SIK3: variants seen among roughly 807,000 people sequenced by gnomAD.
The protein encoded by SIK3 is serine/threonine-protein kinase SIK3.
In SIK3, 28 loss-of-function variants were observed where a neutral mutation model predicts 144.2. That is an observed-to-expected ratio of 0.19 (90% CI 0.14 to 0.27). SIK3 has a LOEUF of 0.27. SIK3 is among the 10% of genes least tolerant of loss of function. The pLI is 1.00. For missense variants in SIK3, 1,319 were observed against 1,776.0 expected, an observed-to-expected ratio of 0.74 and a Z score of 4.62; for synonymous variants, 686 against 676.3, an observed-to-expected ratio of 1.01 and a Z score of -0.22.
At chr11:116,987,321 T>A (rs1365733823) in intron 1 of SIK3, among the ~76,000 whole-genome samples, 10 of 137,252 alleles carry the variant, frequency 7.3e-5, no homozygotes, top group Non-Finnish European at 1.1e-4. Context: ...CATAAAAGAT[T>A]AAAAAAAAAA....
intron 1 of SIK3, among the ~76,000 whole-genome samples, chr11:117,024,120 C>T (rs1252739247): frequency 1.3e-5 from 2 of 152,142 alleles, no homozygotes; most frequent in African/African-American, 4.8e-5. Flanking sequence ...ACCTCCCCAT[C>T]TCCCTTCCTC....
intron 1 of SIK3, among the ~76,000 whole-genome samples, chr11:116,975,078 A>C (rs141498328): frequency 6.2e-4 from 94 of 152,250 alleles, no homozygotes; most frequent in African/African-American, 1.9e-3. Flanking sequence ...AAAAATTGAC[A>C]AATATTTAGC....
intron 1 of SIK3, among the ~76,000 whole-genome samples, chr11:117,033,432 T>C (rs1004353216): frequency 6.6e-6 from 1 of 152,156 alleles, no homozygotes; most frequent in African/African-American, 2.4e-5. Context: ...CTGGGTGCAG[T>C]GGCTCACACC....
chr11:116,844,072 G>C lies in SIK3; in HGVS notation c.*1571C>G, dbSNP rs750792606. 18 of 152,188 alleles carry C rather than the reference G, an allele frequency of 1.2e-4. No homozygotes were observed. Among genetic ancestry groups the C allele is most frequent in the Non-Finnish European group, 2.2e-4 (15 of 68,046 alleles). 9.4% of individuals were successfully genotyped at this position (152,188 alleles called of 1,614,324 possible). A position where few individuals can be genotyped will look rare whatever the true frequency, so the allele number is the denominator to read the frequency against. On this transcript the variant is annotated 3_prime_UTR_variant, in exon 25 of 25. Transcript: ENST00000445177. The stretch of plus-strand genomic sequence containing the variant: ...GCTCTCCTTTCCCAGAAAAAAAAAG[G>C]GTGGAAGAGTCAGTGTATTCAAGGT...
At chr11:116,863,861 G>A (rs921030034) in intron 15 of SIK3, 43 bp from the exon 16 acceptor site, 1 of 1,529,384 alleles carries the variant, frequency 6.5e-7, no homozygotes, top group African/African-American at 1.4e-5. Context: ...GGACTCAGGG[G>A]CTTTGACCAA....
intron 1 of SIK3, among the ~76,000 whole-genome samples, chr11:116,987,221 T>C (rs1477452716): frequency 6.6e-6 from 1 of 152,024 alleles, no homozygotes; most frequent in Non-Finnish European, 1.5e-5. Context: ...TCTGGAACTC[T>C]ATTCAAATTA....
At chr11:117,059,151 T>C (rs1452232794) in intron 1 of SIK3, among the ~76,000 whole-genome samples, 1 of 152,194 alleles carries the variant, frequency 6.6e-6, no homozygotes, top group Non-Finnish European at 1.5e-5. Flanking sequence ...AAGTGGACGT[T>C]TGGCCACAGA....
At chr11:117,065,996 T>A (rs1953993326) in intron 1 of SIK3, among the ~76,000 whole-genome samples, 1 of 152,036 alleles carries the variant, frequency 6.6e-6, no homozygotes, top group Non-Finnish European at 1.5e-5. Context: ...TTTACTCCTA[T>A]CAATCTAAAA....
chr11:116,985,013 T>C (rs1406661656), intron 1 of SIK3, among the ~76,000 whole-genome samples: 1 of 152,184 alleles, frequency 6.6e-6, no homozygotes, highest in African/African-American at 2.4e-5. Flanking sequence ...GTTTTCTATG[T>C]GTGAAAAGAG....
chr11:117,045,198 T>A (rs1023545747), intron 1 of SIK3, among the ~76,000 whole-genome samples: 1 of 152,188 alleles, frequency 6.6e-6, no homozygotes, highest in Admixed American at 6.5e-5. Flanking sequence ...TAACCAAATA[T>A]CTGCTTAGTG....
rs1565346807 is a variant in SIK3, at chr11:116,845,086, T to C, written c.*557A>G. 1 of 152,102 alleles carries C rather than the reference T, an allele frequency of 6.6e-6. No homozygotes were observed. The highest frequency in any genetic ancestry group is 2.4e-5 in the African/African-American group (1 of 41,392). 9.4% of individuals were successfully genotyped at this position (152,102 alleles called of 1,614,324 possible). ...TCTAAGTGCCAGAAGCCGTCACCCT[T>C]CCTCTCTCCCTTTGCCTGCCATTAG... On this transcript the variant is annotated 3_prime_UTR_variant, in exon 25 of 25. Coordinates refer to ENST00000445177, the MANE Select transcript of SIK3 (RefSeq NM_001366686.3).
intron 4 of SIK3, among the ~76,000 whole-genome samples, chr11:116,909,232 C>T (rs139379187): frequency 5.9e-5 from 9 of 151,790 alleles, no homozygotes; most frequent in African/African-American, 1.7e-4. Flanking sequence ...AGGATGGACC[C>T]ACTACACATT....
At chr11:116,860,750 T>C (rs1989578) in intron 19 of SIK3, among the ~76,000 whole-genome samples, 1 of 140,364 alleles carries the variant, frequency 7.1e-6, no homozygotes, top group Non-Finnish European at 1.5e-5. Context: ...TACCCACATC[T>C]TGAAGTGTAG....
chr11:117,003,095 T>A (rs923300062), intron 1 of SIK3, among the ~76,000 whole-genome samples: 4 of 152,198 alleles, frequency 2.6e-5, no homozygotes, highest in African/African-American at 9.7e-5. Flanking sequence ...ATGAGGTAGC[T>A]GAGAGAGAAC....
intron 1 of SIK3, among the ~76,000 whole-genome samples, chr11:116,968,118 T>C (rs1949626734): frequency 6.6e-6 from 1 of 152,174 alleles, no homozygotes; most frequent in East Asian, 1.9e-4. Context: ...TAGTAAACAT[T>C]AATTAATTCT....
Position 116,849,056 on chromosome 11 carries a change from A to G in SIK3, c.3819+64T>C. On this transcript the variant is annotated intron_variant, in intron 22 of 24. Transcript: ENST00000445177. This position sits in a 1 kb window ranked among gnomAD's most constrained non-coding sequence, Gnocchi z 4.2. ...CCAAGAGAGGCTACCCCACATCACT[A>G]TACTCTGTTTCAAGGCTGGGACTGG... is the stretch of plus-strand genomic sequence containing the variant. 3 of 1,518,730 alleles carry G rather than the reference A, an allele frequency of 2.0e-6. No homozygotes were observed. The highest frequency in any genetic ancestry group is 2.7e-6 in the Non-Finnish European group (3 of 1,127,344). 94.1% of individuals were successfully genotyped at this position (1,518,730 alleles called of 1,614,324 possible). A position where few individuals can be genotyped will look rare whatever the true frequency, so the allele number is the denominator to read the frequency against.
intron 1 of SIK3, among the ~76,000 whole-genome samples, chr11:117,096,179 T>G (rs1303474724): frequency 6.6e-6 from 1 of 152,180 alleles, no homozygotes; most frequent in Non-Finnish European, 1.5e-5. Flanking sequence ...AAGCCAAGAA[T>G]CAACTGTTTG....
chr11:117,090,868 A>G (rs183111820), intron 1 of SIK3, among the ~76,000 whole-genome samples: 1 of 152,282 alleles, frequency 6.6e-6, no homozygotes, highest in Non-Finnish European at 1.5e-5. Context: ...CTTCCTCTCT[A>G]CTCGGAAATG....
intron 4 of SIK3, among the ~76,000 whole-genome samples, chr11:116,917,940 T>C (rs902247589): frequency 5.9e-5 from 9 of 152,124 alleles, no homozygotes; most frequent in African/African-American, 2.2e-4. Flanking sequence ...TTGAGATTTT[T>C]CAAAGCTGTC....
Sources: gnomAD v4.1 joint callset for allele counts (sites outside exome capture counted in the v4.1 genomes callset) on GRCh38, gnomAD v4.1.1 for gene constraint, Gnocchi (gnomAD v3.1) non-coding constraint, MANE v1.5 for transcripts, NCBI Gene and HGNC (gene_info 2026-07-23, HGNC 2026-07-21) for gene names.